The following EFCAB8 variants were observed in gnomAD, a reference collection of about 807,000 sequenced individuals.
EFCAB8 encodes the protein EF-hand calcium-binding domain-containing protein 8.
Under a neutral mutation model 116.3 loss-of-function variants are expected in EFCAB8, and 100 were observed. That is an observed-to-expected ratio of 0.86 (90% CI 0.73 to 1.02). The LOEUF (loss-of-function observed/expected upper bound fraction) is 1.02, where lower values mean the gene tolerates loss of function less well. Ranked by LOEUF, EFCAB8 falls within the 50% of genes least tolerant of loss-of-function variation. EFCAB8 has a pLI of 0.00. For synonymous variants in EFCAB8, 558 were observed against 567.9 expected (o/e 0.98, Z 0.25); for missense variants, 1,320 against 1,416.9 (o/e 0.93, Z 1.10).
At chr20:32,921,831 C>CTTTTTTTTTTTTTTT (rs11483441) in intron 20 of EFCAB8, among the ~76,000 whole-genome samples, 2 of 130,224 alleles carry the variant, frequency 1.5e-5, no homozygotes, top group African/African-American at 5.8e-5. Context: ...TTACCTTATT[C>CTTTTTTTTTTTTTTT]TTTTTTTTTT....
chr20:32,891,454 G>A (rs752873262), intron 7 of EFCAB8, among the ~76,000 whole-genome samples: 38 of 152,178 alleles, frequency 2.5e-4, no homozygotes, highest in African/African-American at 8.9e-4. Context: ...CTGACCTCAG[G>A]TGATCCACCT....
Position 32,961,464 on chromosome 20 carries a change from C to A in EFCAB8, c.3722C>A (p.Pro1241His), listed in dbSNP as rs181667994. 16 of 1,451,780 alleles carry A rather than the reference C, an allele frequency of 1.1e-5. No individual in the cohort carries two copies. In the African/African-American group the frequency reaches 1.3e-4, roughly 12 times the overall value. 89.9% of individuals were successfully genotyped at this position (1,451,780 alleles called of 1,614,324 possible). ...TCAGCCTCCACAGCCCATTCCACCC[C>A]CTCGGTCCCATCCCCGGTGTCCAAG... ...PQSASTAHSTPSVPSPVSKST... is the reference protein window; with the variant it reads ...PQSASTAHSTHSVPSPVSKST... The change falls in exon 27 of 27, where the codon CCC (proline) becomes CAC (histidine). Residue 1241 changes from proline (P) to histidine (H), a missense_variant. Transcript: ENST00000400522.
chr20:32,867,419 T>C (rs1242682447), intron 2 of EFCAB8, among the ~76,000 whole-genome samples, 163 bp from the exon 3 acceptor site: 2 of 152,224 alleles, frequency 1.3e-5, no homozygotes, highest in Admixed American at 1.3e-4. Context: ...CTTTATCTTC[T>C]TAGGTGTAAA....
chr20:32,945,164 A>G (rs957682440), intron 23 of EFCAB8, among the ~76,000 whole-genome samples: 5 of 151,444 alleles, frequency 3.3e-5, no homozygotes, highest in Non-Finnish European at 7.4e-5. Flanking sequence ...TATTATTATT[A>G]TTATTATTTT....
intron 1 of EFCAB8, among the ~76,000 whole-genome samples, chr20:32,860,301 C>T (rs1028998609): frequency 2.7e-5 from 4 of 148,330 alleles, no homozygotes; most frequent in African/African-American, 7.3e-5. Flanking sequence ...GTGAGACTCT[C>T]AAAAATAAAA....
chr20:32,961,476 C>A lies in EFCAB8; in HGVS notation c.3734C>A (p.Ser1245Tyr). The change falls in exon 27 of 27, where the codon TCC becomes TAC. Residue 1245 changes from serine (S) to tyrosine (Y), a missense_variant. Physicochemically the swap from Ser to Tyr is moderately radical, Grantham distance 144 (BLOSUM62 -2). Transcript: ENST00000400522. ...STAHSTPSVP[S>Y]PVSKSTLQGS... Reference sequence around the variant, plus strand: ...GCCCATTCCACCCCCTCGGTCCCATCCCCGGTGTCCAAGTCCACCCTGCAG... The same window carrying A: ...GCCCATTCCACCCCCTCGGTCCCATACCCGGTGTCCAAGTCCACCCTGCAG... 3 of 1,449,688 alleles carry A rather than the reference C, an allele frequency of 2.1e-6. No individual in the cohort carries two copies. Among genetic ancestry groups the A allele is most frequent in the Non-Finnish European group, 2.7e-6 (3 of 1,097,806 alleles). The allele number at this position is 1,449,688 out of a possible 1,614,324, so 89.8% of individuals were successfully genotyped here.
At chr20:32,865,998 C>T (rs905662841) in intron 2 of EFCAB8, among the ~76,000 whole-genome samples, 4 of 151,796 alleles carry the variant, frequency 2.6e-5, no homozygotes, top group Non-Finnish European at 5.9e-5. Flanking sequence ...ACTGGAGGGA[C>T]GGTAGAATGC....
At chr20:32,873,285 T>A (rs1222318882) in intron 3 of EFCAB8, among the ~76,000 whole-genome samples, 1 of 151,826 alleles carries the variant, frequency 6.6e-6, no homozygotes, top group Non-Finnish European at 1.5e-5. Context: ...CTGAGGATGT[T>A]GGCCAGGATG....
chr20:32,948,876 G>GA (rs1264471799), intron 23 of EFCAB8, among the ~76,000 whole-genome samples: 1 of 152,070 alleles, frequency 6.6e-6, no homozygotes, highest in South Asian at 2.1e-4. Context: ...GTGCATCTGT[G>GA]AAAAAACCTA....
chr20:32,958,245 G>A (rs182389419), intron 23 of EFCAB8, among the ~76,000 whole-genome samples, 176 bp from the exon 24 acceptor site: 13 of 152,172 alleles, frequency 8.5e-5, no homozygotes, highest in Non-Finnish European at 1.6e-4. Context: ...TCATCCACAC[G>A]TTTGTTGAGT....
rs140961679 is a variant in EFCAB8 at position 32,862,245 on chromosome 20, C to T, written c.-10-1538C>T. Among the ~76,000 whole-genome samples, 1,498 of 152,102 alleles carry T rather than the reference C, an allele frequency of 9.8e-3. 26 individuals are homozygous for T. The highest frequency in any genetic ancestry group is 0.035 in the African/African-American group (1,443 of 41,486). ...TCCTGGGCTCAAGTAATTCTCCCAC[C>T]TCAGCCTCCTGAGTAGCTGGGTGTA... On this transcript the variant is annotated intron_variant, in intron 1 of 26. Transcript: ENST00000400522.
chr20:32,863,669 AC>A (rs996697214), intron 1 of EFCAB8, 113 bp from the exon 2 acceptor site: 74 of 973,126 alleles, frequency 7.6e-5, no homozygotes, highest in Non-Finnish European at 1.1e-4. Flanking sequence ...AGGGGAAGCC[AC>A]CCTCTCCCTT....
chr20:32,878,550 G>A (rs993610255), intron 4 of EFCAB8, among the ~76,000 whole-genome samples, 154 bp from the exon 5 acceptor site: 5 of 138,634 alleles, frequency 3.6e-5, no homozygotes, highest in Non-Finnish European at 7.6e-5. Context: ...TCGCTCTGTC[G>A]CCCAGGTCGG....
At chr20:32,956,649 A>G (rs1480545074) in intron 23 of EFCAB8, among the ~76,000 whole-genome samples, 6 of 152,184 alleles carry the variant, frequency 3.9e-5, no homozygotes, top group Non-Finnish European at 7.3e-5. Flanking sequence ...TTGAAAAGTC[A>G]GTTGCAAGTT....
chr20:32,886,086 A>G (rs1403676470), intron 6 of EFCAB8, among the ~76,000 whole-genome samples: 1 of 152,156 alleles, frequency 6.6e-6, no homozygotes, highest in African/African-American at 2.4e-5. Context: ...TGGGCTCTGG[A>G]GCCCAAATCC....
chr20:32,937,292 C>T (rs1381283210), intron 22 of EFCAB8, among the ~76,000 whole-genome samples: 1 of 152,024 alleles, frequency 6.6e-6, no homozygotes, highest in African/African-American at 2.4e-5. Context: ...TAGCTGAAAA[C>T]CACACTTTCT....
chr20:32,882,000 G>C (rs1985364010), intron 5 of EFCAB8, among the ~76,000 whole-genome samples: 1 of 152,046 alleles, frequency 6.6e-6, no homozygotes, highest in Admixed American at 6.6e-5. Flanking sequence ...CTGAGGTCAG[G>C]AGTCCTGGCC....
At chr20:32,957,037 A>T (rs1448979598) in intron 23 of EFCAB8, among the ~76,000 whole-genome samples, 1 of 145,610 alleles carries the variant, frequency 6.9e-6, no homozygotes, top group African/African-American at 2.6e-5. Flanking sequence ...CCTCTTCTGT[A>T]TGCAGCTTGC....
chr20:32,926,412 A>G (rs1987671676), intron 20 of EFCAB8, among the ~76,000 whole-genome samples: 1 of 139,136 alleles, frequency 7.2e-6, no homozygotes, highest in South Asian at 2.3e-4. Flanking sequence ...GTTTGAAACT[A>G]TTGTTTATTT....
Sources: gnomAD v4.1 joint callset for allele counts (sites outside exome capture counted in the v4.1 genomes callset) on GRCh38, gnomAD v4.1.1 for gene constraint, MANE v1.5 for transcripts, NCBI Gene and HGNC (gene_info 2026-07-23, HGNC 2026-07-21) for gene names.